Variants in SRFBP1 observed in about 807,000 individuals in gnomAD.
The protein encoded by SRFBP1 is serum response factor-binding protein 1.
A neutral mutation model predicts 45.5 loss-of-function variants in SRFBP1; 47 were observed. The observed-to-expected ratio is 1.03, with a 90% CI of 0.82 to 1.32. The LOEUF (loss-of-function observed/expected upper bound fraction) is 1.32. Among genes scored for constraint, SRFBP1 ranks in the 40% most tolerant of loss-of-function variants. The pLI is 0.00. For missense variants in SRFBP1, 621 were observed against 484.6 expected (o/e 1.28, Z -2.64); for synonymous variants, 203 against 166.3 (o/e 1.22, Z -1.70).
intron 4 of SRFBP1, among the ~76,000 whole-genome samples, chr5:122,007,320 G>A (rs1266761237): frequency 1.3e-5 from 2 of 151,910 alleles, no homozygotes; most frequent in African/African-American, 4.8e-5. Flanking sequence ...GATGGACCTG[G>A]ACCCTGGGTC....
At chr5:122,037,145 G>A (rs1464496350) in intron 2 of SRFBP1, among the ~76,000 whole-genome samples, 2 of 152,084 alleles carry the variant, frequency 1.3e-5, no homozygotes, top group African/African-American at 4.8e-5. Flanking sequence ...TGATCCGCCC[G>A]CCTTGGCCTC....
intron 2 of SRFBP1, among the ~76,000 whole-genome samples, chr5:122,045,639 T>G (rs1753842922): frequency 6.6e-6 from 1 of 152,212 alleles, no homozygotes; most frequent in African/African-American, 2.4e-5. Context: ...ATTCTGTTCC[T>G]GATTTGGCTC....
intron 4 of SRFBP1, among the ~76,000 whole-genome samples, chr5:122,000,235 A>G (rs570796051): frequency 1.3e-5 from 2 of 152,180 alleles, no homozygotes; most frequent in South Asian, 4.1e-4. Context: ...TATGCCTTCT[A>G]TTGTGCCATT....
downstream of SRFBP1, chr5:122,077,973 A>G (rs770959043): frequency 3.4e-6 from 5 of 1,462,030 alleles, no homozygotes; most frequent in Non-Finnish European, 4.5e-6. This position sits in a 1 kb window ranked among gnomAD's most constrained non-coding sequence, Gnocchi z 4.9. Context: ...AGCACGGTCC[A>G]GGCGAAGCGC....
At chr5:122,075,354 C>T in exon 3 of SRFBP1, 1 of 1,505,238 alleles carries the variant, frequency 6.6e-7, no homozygotes, top group Non-Finnish European at 8.9e-7. Flanking sequence ...CAAAAATCAC[C>T]TGAGAAATGA....
downstream of SRFBP1, among the ~76,000 whole-genome samples, chr5:122,029,741 C>G (rs1280103843): frequency 2.0e-5 from 3 of 152,178 alleles, no homozygotes; most frequent in African/African-American, 7.2e-5. Context: ...CCTTTGCCAC[C>G]TGTTCTCCAT....
chr5:122,013,284 A>G (rs1753132019), intron 4 of SRFBP1, among the ~76,000 whole-genome samples: 1 of 152,110 alleles, frequency 6.6e-6, no homozygotes, highest in South Asian at 2.1e-4. Flanking sequence ...ATTCTCTAAG[A>G]TGTTTGGCTA....
At chr5:122,021,915 C>T (rs182000637) in intron 6 of SRFBP1, among the ~76,000 whole-genome samples, 1 of 151,104 alleles carries the variant, frequency 6.6e-6, no homozygotes, top group African/African-American at 2.4e-5. Flanking sequence ...CGGTTAGTGT[C>T]GAACTCCTGA....
chr5:121,972,650 A>G (rs1416745393), intron 1 of SRFBP1, among the ~76,000 whole-genome samples: 5 of 151,900 alleles, frequency 3.3e-5, no homozygotes, highest in Admixed American at 6.6e-5. Flanking sequence ...AAACTGCATA[A>G]AAAGAGGAAC....
chr5:122,025,008 C>T (rs529689569), intron 7 of SRFBP1, among the ~76,000 whole-genome samples: 7 of 150,726 alleles, frequency 4.6e-5, no homozygotes, highest in Non-Finnish European at 7.4e-5. Flanking sequence ...ATGTGCACAA[C>T]GTGCAGATTT....
rs778036202 is a variant in SRFBP1, at chr5:122,070,474, A to T, written n.312-4841A>T. 1.2e-5 allele frequency: 16 copies of T among 1,345,240 alleles called. No individual in the cohort carries two copies. The East Asian group carries it at 3.0e-4, about 25-fold the overall frequency. 83.3% of individuals were successfully genotyped at this position (1,345,240 alleles called of 1,614,324 possible). On this transcript the variant is annotated intron_variant and non_coding_transcript_variant, in intron 2 of 2. Transcript: ENST00000504881. Reference sequence around the variant, plus strand: ...TTGATCTGCAATATCAATATATGATATATTTTCAAAGGTCTTTACCTTTAG... The same window carrying T: ...TTGATCTGCAATATCAATATATGATTTATTTTCAAAGGTCTTTACCTTTAG...
At chr5:122,045,504 A>G (rs1190284644) in intron 2 of SRFBP1, among the ~76,000 whole-genome samples, 1 of 152,128 alleles carries the variant, frequency 6.6e-6, no homozygotes, top group East Asian at 1.9e-4. Context: ...ATGTTTTTCC[A>G]TATGTTTGTG....
chr5:121,974,129 T>G, intron 1 of SRFBP1, 67 bp from the exon 2 acceptor site: 1 of 1,115,908 alleles, frequency 9.0e-7, no homozygotes, highest in Admixed American at 1.9e-5. Flanking sequence ...ATATTAAGAC[T>G]CAAAATAAAG....
chr5:122,004,874 T>G (rs1182808553), intron 4 of SRFBP1, among the ~76,000 whole-genome samples: 1 of 152,184 alleles, frequency 6.6e-6, no homozygotes, highest in Non-Finnish European at 1.5e-5. Context: ...AAGATACTTT[T>G]TAATTTTCTC....
At chr5:122,076,882 T>G (rs373807513), downstream of SRFBP1, 2 of 1,612,992 alleles carry the variant, frequency 1.2e-6, no homozygotes, top group Admixed American at 1.7e-5. Context: ...CTCAGACATA[T>G]CAGCCCGTAC....
At chr5:121,992,623 T>A (rs1752641723) in intron 3 of SRFBP1, among the ~76,000 whole-genome samples, 1 of 152,054 alleles carries the variant, frequency 6.6e-6, no homozygotes, top group African/African-American at 2.4e-5. Context: ...TAGCACACAA[T>A]GTGTAATTAA....
At chr5:122,077,165 A>G (rs1482838689), downstream of SRFBP1, 8 of 1,465,034 alleles carry the variant, frequency 5.5e-6, no homozygotes, top group Non-Finnish European at 7.2e-6. This position sits in a 1 kb window ranked among gnomAD's most constrained non-coding sequence, Gnocchi z 4.9. Flanking sequence ...CTGCAAAGCA[A>G]TGTGAAAAGG....
intron 4 of SRFBP1, among the ~76,000 whole-genome samples, chr5:122,001,388 A>G (rs1008023917): frequency 5.4e-5 from 8 of 147,612 alleles, no homozygotes; most frequent in African/African-American, 2.0e-4. Flanking sequence ...TTTTATTTTT[A>G]TTTTTTATTT....
At chr5:122,077,345 G>A (rs199948468), downstream of SRFBP1, 343 of 1,613,638 alleles carry the variant, frequency 2.1e-4, 4 homozygotes, top group East Asian at 4.2e-3. The surrounding 1 kb of genome is among the most constrained non-coding windows in gnomAD (Gnocchi z 4.9). Context: ...GCGGACTTGG[G>A]GGTACTTACC....
Sources: allele counts gnomAD v4.1 joint callset (sites outside exome capture counted in the v4.1 genomes callset), GRCh38; gene constraint gnomAD v4.1.1; non-coding constraint Gnocchi (gnomAD v3.1); transcripts MANE v1.5; gene names NCBI Gene and HGNC (gene_info 2026-07-23, HGNC 2026-07-21).